Variants in ZNF155 observed in about 807,000 individuals in gnomAD.
ZNF155 encodes KRAB A domain.
Under a neutral mutation model 11.9 loss-of-function variants are expected in ZNF155, and 15 were observed. The observed-to-expected ratio is 1.26, with a 90% CI of 0.84 to 1.94. ZNF155 has a LOEUF of 1.94. Among genes scored for constraint, ZNF155 ranks in the 30% most tolerant of loss-of-function variants. The pLI is 0.00. For synonymous variants in ZNF155, 212 were observed against 219.9 expected (o/e 0.96, Z 0.32); for missense variants, 602 against 639.1 (o/e 0.94, Z 0.63).
At chr19:43,991,506 C>T (rs1467889929) in intron 2 of ZNF155, 42 bp from the exon 3 acceptor site, 8 of 1,613,668 alleles carry the variant, frequency 5.0e-6, no homozygotes, top group East Asian at 2.2e-5. Flanking sequence ...CCCCAGTAGT[C>T]CTTGGTCATA....
At position 43,996,759 on chromosome 19, in the gene ZNF155, C is replaced by G; in HGVS notation, c.902C>G (p.Ser301Ter). ...TGTGGTAAGACCTTCTATTTTAGGT[C>G]AAGACTTAAGAGCCATTCCATGGTT... is the stretch of plus-strand genomic sequence containing the variant. Reference protein sequence around the residue: ...DICGKTFYFRSRLKSHSMVHT... With the variant: ...DICGKTFYFR The change falls in exon 5 of 5, where the codon TCA becomes TGA. Residue 301 changes from serine (S) to a stop codon, truncating the protein, a stop_gained. Transcript: ENST00000270014. LOFTEE classifies it low-confidence loss of function (END_TRUNC). The G allele has an allele frequency of 1.2e-6, 2 of 1,614,050 alleles. No individual in the cohort carries two copies. The highest frequency in any genetic ancestry group is 1.1e-5 in the South Asian group (1 of 91,074).
chr19:43,996,843 C>G lies in ZNF155; in HGVS notation c.986C>G (p.Ser329Ter). The G allele has an allele frequency of 1.2e-6, 2 of 1,614,196 alleles. No individual in the cohort carries two copies. The highest frequency in any genetic ancestry group is 2.2e-5 in the East Asian group (1 of 44,878). ...DTCDKSFHQR[S>*]ALNRHCMVHT... ...TGTGATAAGAGCTTTCATCAGAGATCAGCACTTAATAGGCATTGCATGGTC... is the reference window on the plus strand; with the variant it reads ...TGTGATAAGAGCTTTCATCAGAGATGAGCACTTAATAGGCATTGCATGGTC... Residue 329 changes from serine to a stop codon, truncating the protein, a stop_gained, in exon 5 of 5, where the codon TCA becomes TGA. Transcript: ENST00000270014. LOFTEE classifies it low-confidence loss of function (END_TRUNC).
chr19:43,986,682 C>T (rs923180776), intron 1 of ZNF155, among the ~76,000 whole-genome samples: 1 of 152,126 alleles, frequency 6.6e-6, no homozygotes, highest in African/African-American at 2.4e-5. Flanking sequence ...ATCTCCTGAC[C>T]TTGTGATCCG....
chr19:43,987,294 C>T (rs1256031908), intron 1 of ZNF155, among the ~76,000 whole-genome samples: 1 of 152,134 alleles, frequency 6.6e-6, no homozygotes, highest in African/African-American at 2.4e-5. Flanking sequence ...AGTTTAAAGT[C>T]TAATTATATG....
At chr19:43,989,977 G>C (rs1975595336) in intron 2 of ZNF155, 1 of 1,265,108 alleles carries the variant, frequency 7.9e-7, no homozygotes, top group South Asian at 1.7e-5. Flanking sequence ...GTTTTCATTT[G>C]TAATCAAATA....
chr19:43,995,455 G>T (rs370359825), intron 4 of ZNF155, among the ~76,000 whole-genome samples: 1 of 148,104 alleles, frequency 6.8e-6, no homozygotes, highest in African/African-American at 2.5e-5. Context: ...GTCACCCAGG[G>T]CTCACTGCAA....
intron 4 of ZNF155, among the ~76,000 whole-genome samples, chr19:43,993,660 C>T (rs925433196): frequency 2.6e-5 from 4 of 152,184 alleles, no homozygotes; most frequent in African/African-American, 4.8e-5. Context: ...GTGATCCACC[C>T]GCCTCGGCCT....
Position 43,988,480 on chromosome 19 carries a change from G to A in ZNF155, c.-64G>A, listed in dbSNP as rs1169517174. The A allele has an allele frequency of 3.9e-6, 6 of 1,547,870 alleles. No individual in the cohort carries two copies. In the East Asian group the frequency reaches 6.8e-5, roughly 18 times the overall value. ...GCAGACTGTGGCACGTTTCAGGCAG[G>A]ATTCCTCCTTCATTCAAACTGCATC... On this transcript the variant is annotated 5_prime_UTR_variant, in exon 2 of 5. Transcript: ENST00000270014.
intron 1 of ZNF155, among the ~76,000 whole-genome samples, chr19:43,985,533 CTTTTTTTTT>C (rs752604890): frequency 3.8e-4 from 37 of 97,874 alleles, no homozygotes; most frequent in African/African-American, 1.3e-3. Flanking sequence ...TGCTCTTTTT[CTTTTTTTTT>C]TTTTTTTTTT....
At chr19:43,985,371 T>A (rs1256351181) in intron 1 of ZNF155, among the ~76,000 whole-genome samples, 1 of 150,600 alleles carries the variant, frequency 6.6e-6, no homozygotes, top group East Asian at 2.0e-4. Flanking sequence ...GGTTTTTTCT[T>A]TTACAGAGAT....
At chr19:43,988,854 G>A (rs571917557) in intron 2 of ZNF155, 271 of 297,742 alleles carry the variant, frequency 9.1e-4, no homozygotes, top group Non-Finnish European at 1.2e-3. Context: ...TCTGCTGTTC[G>A]TCATGTACAT....
intron 2 of ZNF155, among the ~76,000 whole-genome samples, chr19:43,990,636 G>A (rs760655500): frequency 7.2e-5 from 11 of 152,170 alleles, no homozygotes; most frequent in Non-Finnish European, 1.3e-4. Context: ...TTTGTGGTTT[G>A]TACCTTGAGA....
At chr19:43,995,535 G>A (rs445265) in intron 4 of ZNF155, among the ~76,000 whole-genome samples, 111,041 of 151,504 alleles carry the variant, frequency 0.73, 42,441 homozygotes, top group Middle Eastern at 0.85. Context: ...CAGAGTGCAC[G>A]ACCACACCTG....
chr19:43,991,787 C>T, intron 3 of ZNF155, 55 bp from the exon 4 acceptor site: 1 of 1,604,942 alleles, frequency 6.2e-7, no homozygotes, highest in Non-Finnish European at 8.5e-7. Flanking sequence ...TAAATTTTGC[C>T]TAAATATTAC....
At position 43,996,621 on chromosome 19, in the gene ZNF155, C is replaced by A. The variant is rs1008000124; in HGVS notation, c.764C>A (p.Thr255Lys). The change falls in exon 5 of 5, where the codon ACA (threonine) becomes AAA (lysine). Residue 255 changes from threonine to lysine, a missense_variant. Coordinates refer to ENST00000270014, the MANE Select transcript of ZNF155 (RefSeq NM_198089.3). ...SALNVHRKLH[T>K]GEKPYICEAC... ...CTTAATGTTCATCGTAAATTACACA[C>A]AGGAGAGAAACCTTACATTTGTGAG... The A allele has an allele frequency of 6.2e-7, 1 of 1,612,932 alleles. No individual in the cohort carries two copies. The highest frequency in any genetic ancestry group is 1.3e-5 in the African/African-American group (1 of 74,884).
chr19:43,991,901 A>T lies in ZNF155; in HGVS notation c.202A>T (p.Met68Leu), dbSNP rs767922990. Residue 68 changes from methionine to leucine, a missense_variant, in exon 4 of 5, where the codon ATG (methionine) becomes TTG (leucine). Coordinates refer to ENST00000270014, the MANE Select transcript of ZNF155 (RefSeq NM_198089.3). Reference protein sequence around the residue: ...HFLREEKFWMMGTATQREGNS... With the variant: ...HFLREEKFWMLGTATQREGNS... ...CCTAAGGGAAGAAAAGTTTTGGATG[A>T]TGGGGACAGCAACCCAAAGAGAAGG... 6.2e-7 allele frequency: 1 copy of T among 1,613,972 alleles called. No individual in the cohort carries two copies. The highest frequency in any genetic ancestry group is 8.5e-7 in the Non-Finnish European group (1 of 1,179,914).
In ZNF155 at chr19:43,996,408, G is replaced by C. The variant is rs763129301; in HGVS notation, c.551G>C (p.Ser184Thr). 7.4e-6 allele frequency: 12 copies of C among 1,614,208 alleles called. No individual in the cohort carries two copies. Among genetic ancestry groups the C allele is most frequent in the Non-Finnish European group, 1.0e-5 (12 of 1,180,022 alleles). Residue 184 changes from serine to threonine, a missense_variant, in exon 5 of 5, where the codon AGC becomes ACC. Coordinates refer to ENST00000270014, the MANE Select transcript of ZNF155 (RefSeq NM_198089.3). Reference sequence around the variant, plus strand: ...TATACATGTGATGAGTGTGGAAAAAGCATCTGTTACATCTCAGCTCTTCAT... The same window carrying C: ...TATACATGTGATGAGTGTGGAAAAACCATCTGTTACATCTCAGCTCTTCAT... Reference protein sequence around the residue: ...KSYTCDECGKSICYISALHVH... With the variant: ...KSYTCDECGKTICYISALHVH...
chr19:43,996,505 C>G lies in ZNF155; in HGVS notation c.648C>G (p.Ser216Arg), dbSNP rs760448985. Reference sequence around the variant, plus strand: ...TGTGTGGCAAGGAATTTAGTCAAAGCTCACATCTGCAAACTCATCAGAGAG... The same window carrying G: ...TGTGTGGCAAGGAATTTAGTCAAAGGTCACATCTGCAAACTCATCAGAGAG... ...CDVCGKEFSQSSHLQTHQRVH... is the reference protein window; with the variant it reads ...CDVCGKEFSQRSHLQTHQRVH... Residue 216 changes from serine to arginine, a missense_variant, in exon 5 of 5, where the codon AGC becomes AGG. Transcript: ENST00000270014. The G allele has an allele frequency of 1.9e-6, 3 of 1,614,094 alleles. No homozygotes were observed. Among genetic ancestry groups the G allele is most frequent in the Non-Finnish European group, 2.5e-6 (3 of 1,180,034 alleles).
Position 43,997,953 on chromosome 19 carries a change from G to T in ZNF155, c.*479G>T, listed in dbSNP as rs1434585654. 6.5e-6 allele frequency: 1 copy of T among 154,050 alleles called. No individual in the cohort carries two copies. The highest frequency in any genetic ancestry group is 1.4e-5 in the Non-Finnish European group (1 of 69,412). The allele number at this position is 154,050 out of a possible 1,614,324, so 9.5% of individuals were successfully genotyped here. A position where few individuals can be genotyped will look rare whatever the true frequency, so the allele number is the denominator to read the frequency against. ...GCATGAACACAGTGGGCTTCAGTAG[G>T]TTCAGGTTGGCACTTTCTTTTGTGG... On this transcript the variant is annotated 3_prime_UTR_variant, in exon 5 of 5. Transcript: ENST00000270014.
Sources: allele counts gnomAD v4.1 joint callset (sites outside exome capture counted in the v4.1 genomes callset), GRCh38; gene constraint gnomAD v4.1.1; transcripts MANE v1.5; gene names NCBI Gene and HGNC (gene_info 2026-07-23, HGNC 2026-07-21).